ARHGAP10: variants seen among roughly 807,000 people sequenced by gnomAD.
The protein encoded by ARHGAP10 is Rho GTPase activating protein 10, also known as rho GTPase-activating protein 10.
In ARHGAP10, 87 loss-of-function variants were observed where a neutral mutation model predicts 108.6. The observed-to-expected ratio is 0.80, with a 90% CI of 0.67 to 0.96. The LOEUF is 0.96. ARHGAP10 is among the 40% of genes least tolerant of loss of function. ARHGAP10 has a pLI of 0.00. For synonymous variants in ARHGAP10, 347 were observed against 341.1 expected, an observed-to-expected ratio of 1.02 and a Z score of -0.19; for missense variants, 939 against 954.5, an observed-to-expected ratio of 0.98 and a Z score of 0.21.
rs534578393 is a variant in ARHGAP10, at chr4:147,950,982, G to A, written c.1391+4278G>A. ...TATATCCCCCAACAGATCCCAACGA[G>A]TGGCAAAGAGAGGTGGCTCAAAAAC... On this transcript the variant is annotated intron_variant, in intron 15 of 22. Coordinates refer to ENST00000336498, the MANE Select transcript of ARHGAP10 (RefSeq NM_024605.4). Among the ~76,000 whole-genome samples the A allele has an allele frequency of 2.2e-4, 33 of 152,276 alleles. No homozygotes were observed. In the South Asian group the frequency reaches 4.6e-3, roughly 21 times the overall value.
At chr4:147,845,359 A>C (rs2126815321) in intron 3 of ARHGAP10, among the ~76,000 whole-genome samples, 1 of 152,332 alleles carries the variant, frequency 6.6e-6, no homozygotes, top group East Asian at 1.9e-4. Context: ...ACTGAACAGT[A>C]ATTTCCACGA....
At chr4:147,788,537 T>A (rs572306337) in intron 1 of ARHGAP10, among the ~76,000 whole-genome samples, 1 of 152,160 alleles carries the variant, frequency 6.6e-6, no homozygotes, top group East Asian at 1.9e-4. Context: ...CTTGGTGAGA[T>A]TAGGGGTGAG....
At position 147,965,100 on chromosome 4, in the gene ARHGAP10, G is replaced by T. The variant is rs1355227140; in HGVS notation, c.1527G>T (p.Met509Ile). The change falls in exon 17 of 23, where the codon ATG (methionine) becomes ATT (isoleucine). Residue 509 changes from methionine (M) to isoleucine (I), a missense_variant. Coordinates refer to ENST00000336498, the MANE Select transcript of ARHGAP10 (RefSeq NM_024605.4). ...AACTGCCAGAGAAGAATAAAGAGAT[G>T]TTGGATATTTTGGTGAAACACTTAA... ...VHKLPEKNKE[M>I]LDILVKHLTN... 2.5e-6 allele frequency: 4 copies of T among 1,605,798 alleles called. No homozygotes were observed. Among genetic ancestry groups the T allele is most frequent in the Middle Eastern group, 1.7e-4 (1 of 6,052 alleles).
chr4:148,063,760 C>G (rs192190448), intron 21 of ARHGAP10, among the ~76,000 whole-genome samples: 166 of 152,296 alleles, frequency 1.1e-3, no homozygotes, highest in African/African-American at 3.9e-3. Context: ...TCAGTGGCTT[C>G]CCCCACACCA....
chr4:147,980,300 T>C (rs1160859468), intron 18 of ARHGAP10, among the ~76,000 whole-genome samples: 1 of 152,206 alleles, frequency 6.6e-6, no homozygotes, highest in Non-Finnish European at 1.5e-5. Context: ...GATGATCATA[T>C]AGTTTTTGTT....
chr4:147,870,092 G>A (rs922804712), intron 7 of ARHGAP10, among the ~76,000 whole-genome samples: 9 of 150,834 alleles, frequency 6.0e-5, no homozygotes, highest in African/African-American at 2.2e-4. Context: ...TGTCACCCAG[G>A]CTGGAGTGCA....
chr4:147,830,239 C>A (rs7678505), intron 3 of ARHGAP10, among the ~76,000 whole-genome samples: 2 of 152,130 alleles, frequency 1.3e-5, no homozygotes, highest in African/African-American at 4.8e-5. Context: ...CCTGCCCTGA[C>A]CTTTTGCCCC....
At chr4:147,789,439 G>A (rs1020635908) in intron 1 of ARHGAP10, among the ~76,000 whole-genome samples, 1 of 152,172 alleles carries the variant, frequency 6.6e-6, no homozygotes, top group Admixed American at 6.5e-5. Flanking sequence ...ACAGGCATGT[G>A]CCACCATGCT....
At chr4:148,059,009 A>C (rs1404341823) in intron 20 of ARHGAP10, among the ~76,000 whole-genome samples, 2 of 152,178 alleles carry the variant, frequency 1.3e-5, no homozygotes, top group Admixed American at 1.3e-4. Context: ...AGTCAGGTAG[A>C]CTTTCAGTCT....
chr4:147,845,556 C>A (rs1160230306), intron 3 of ARHGAP10, among the ~76,000 whole-genome samples: 6 of 152,180 alleles, frequency 3.9e-5, no homozygotes, highest in Non-Finnish European at 8.8e-5. Flanking sequence ...TGGGCCCAGA[C>A]CTACATGACT....
intron 10 of ARHGAP10, among the ~76,000 whole-genome samples, chr4:147,900,395 C>A (rs1407507689): frequency 1.3e-5 from 2 of 152,170 alleles, no homozygotes; most frequent in Non-Finnish European, 2.9e-5. Context: ...AACTTAGGTA[C>A]TACAGATAAT....
chr4:147,811,068 T>C (rs1401181550), intron 1 of ARHGAP10, among the ~76,000 whole-genome samples: 1 of 152,240 alleles, frequency 6.6e-6, no homozygotes, highest in Non-Finnish European at 1.5e-5. Context: ...CTCTTTTTCC[T>C]GTGGCCCTTA....
At chr4:148,071,896 C>A in intron 22 of ARHGAP10, 97 bp from the exon 23 acceptor site, 1 of 991,804 alleles carries the variant, frequency 1.0e-6, no homozygotes, top group Non-Finnish European at 1.5e-6. Context: ...GGCCCCTGTT[C>A]TCTACTGGCC....
chr4:147,765,335 T>TGGGGGGGGGGGG (rs1463328322), intron 1 of ARHGAP10, among the ~76,000 whole-genome samples: 1 of 22,688 alleles, frequency 4.4e-5, no homozygotes, highest in African/African-American at 8.8e-5. Flanking sequence ...TGTGTGTGTG[T>TGGGGGGGGGGGG]GTGGGGGGGG....
At chr4:147,834,470 C>CA (rs1203188590) in intron 3 of ARHGAP10, among the ~76,000 whole-genome samples, 1 of 152,002 alleles carries the variant, frequency 6.6e-6, no homozygotes, top group Non-Finnish European at 1.5e-5. Context: ...GACCCCATCT[C>CA]AAAAAAATTA....
chr4:147,940,220 T>A (rs142902353), intron 14 of ARHGAP10, among the ~76,000 whole-genome samples: 2 of 152,306 alleles, frequency 1.3e-5, no homozygotes, highest in East Asian at 3.9e-4. Context: ...TGTCCAGAAT[T>A]GTGACAGTAC....
chr4:147,751,190 CAAA>C (rs35941586), intron 1 of ARHGAP10, among the ~76,000 whole-genome samples: 5,079 of 150,422 alleles, frequency 0.034, 291 homozygotes, highest in African/African-American at 0.12. Context: ...AAACCAAAAA[CAAA>C]AAAAACAAAC....
intron 1 of ARHGAP10, among the ~76,000 whole-genome samples, chr4:147,792,517 C>T (rs910297258): frequency 2.6e-5 from 4 of 152,148 alleles, no homozygotes; most frequent in African/African-American, 9.7e-5. Flanking sequence ...CCTACGAGCT[C>T]ATCAGGTTCT....
intron 20 of ARHGAP10, among the ~76,000 whole-genome samples, chr4:148,058,405 C>T (rs1159076139): frequency 6.6e-6 from 1 of 152,164 alleles, no homozygotes; most frequent in African/African-American, 2.4e-5. Context: ...TGCGTATTCT[C>T]CTCGCTCTAC....
Sources: gnomAD v4.1 joint callset for allele counts (sites outside exome capture counted in the v4.1 genomes callset) on GRCh38, gnomAD v4.1.1 for gene constraint, MANE v1.5 for transcripts, NCBI Gene and HGNC (gene_info 2026-07-23, HGNC 2026-07-21) for gene names.